Variants in PIWIL2 observed in about 807,000 individuals in gnomAD.
The protein encoded by PIWIL2 is piwi-like protein 2.
A neutral mutation model predicts 116.5 loss-of-function variants in PIWIL2; 81 were observed. That is an observed-to-expected ratio of 0.70 (90% CI 0.58 to 0.84). The LOEUF (loss-of-function observed/expected upper bound fraction) is 0.84, where lower values mean the gene tolerates loss of function less well. Ranked by LOEUF, PIWIL2 falls within the 40% of genes least tolerant of loss-of-function variation. The pLI, the probability that PIWIL2 is intolerant of heterozygous loss-of-function variation, is 0.00. For missense variants in PIWIL2, 1,272 were observed against 1,212.3 expected (o/e 1.05, Z -0.73); for synonymous variants, 489 against 429.5 (o/e 1.14, Z -1.71).
intron 20 of PIWIL2, among the ~76,000 whole-genome samples, chr8:22,324,272 A>C (rs1290948026): frequency 2.6e-5 from 4 of 152,252 alleles, no homozygotes; most frequent in Non-Finnish European, 5.9e-5. Flanking sequence ...AAAAAAAAGG[A>C]ATATTGGATT....
chr8:22,319,731 A>T (rs9792182), intron 20 of PIWIL2, among the ~76,000 whole-genome samples: 46,270 of 152,058 alleles, frequency 0.3, 8,879 homozygotes, highest in East Asian at 0.63. Flanking sequence ...TCCTCCTTGC[A>T]TGCTGGCTGG....
chr8:22,301,848 A>G (rs376428532), intron 10 of PIWIL2, among the ~76,000 whole-genome samples: 2 of 152,284 alleles, frequency 1.3e-5, no homozygotes, highest in African/African-American at 4.8e-5. Context: ...TAAGTATCAT[A>G]GCACTGTTTC....
At chr8:22,299,042 A>G (rs1830981126) in intron 10 of PIWIL2, among the ~76,000 whole-genome samples, 1 of 152,128 alleles carries the variant, frequency 6.6e-6, no homozygotes. Context: ...TGACAGAGTA[A>G]TCCATCTTTT....
chr8:22,306,335 CAT>C (rs1348223244), intron 13 of PIWIL2, among the ~76,000 whole-genome samples: 1 of 152,202 alleles, frequency 6.6e-6, no homozygotes, highest in Non-Finnish European at 1.5e-5. Flanking sequence ...GTAAACTGGT[CAT>C]ATGACCATGG....
intron 13 of PIWIL2, among the ~76,000 whole-genome samples, chr8:22,307,477 T>A (rs897123329): frequency 0.033 from 1,257 of 38,578 alleles, 52 homozygotes; most frequent in African/African-American, 0.058. Flanking sequence ...TTATTCATTT[T>A]TTTTTTTTTT....
At chr8:22,296,968 C>T (rs1830921893) in intron 10 of PIWIL2, among the ~76,000 whole-genome samples, 1 of 151,962 alleles carries the variant, frequency 6.6e-6, no homozygotes, top group Non-Finnish European at 1.5e-5. Flanking sequence ...GAAATATTTT[C>T]TGGCTTACAT....
chr8:22,323,340 G>T (rs937361368), intron 20 of PIWIL2, among the ~76,000 whole-genome samples: 1 of 151,842 alleles, frequency 6.6e-6, no homozygotes, highest in East Asian at 1.9e-4. Context: ...TAGAGACGGG[G>T]TATCACCATG....
intron 20 of PIWIL2, 132 bp downstream of exon 20, chr8:22,318,407 T>C (rs1034435690): frequency 1.8e-6 from 1 of 566,196 alleles, no homozygotes; most frequent in Non-Finnish European, 3.2e-6. Flanking sequence ...AACCTCTGCC[T>C]CCTGGGTTCA....
chr8:22,353,976 A>T (rs1485672580), intron 21 of PIWIL2, among the ~76,000 whole-genome samples: 1 of 151,984 alleles, frequency 6.6e-6, no homozygotes, highest in African/African-American at 2.4e-5. Flanking sequence ...GGGTCTTGCC[A>T]TGTTGCCCAG....
At chr8:22,293,721 C>CT (rs1051121220) in intron 10 of PIWIL2, among the ~76,000 whole-genome samples, 1 of 152,178 alleles carries the variant, frequency 6.6e-6, no homozygotes, top group Non-Finnish European at 1.5e-5. Flanking sequence ...GAAAAACATT[C>CT]TTTTTTTCCA....
At chr8:22,299,034 A>G (rs1197582792) in intron 10 of PIWIL2, among the ~76,000 whole-genome samples, 1 of 152,192 alleles carries the variant, frequency 6.6e-6, no homozygotes, top group Non-Finnish European at 1.5e-5. Context: ...TACTATGGTG[A>G]CAGAGTAATC....
rs192105466 is a variant in PIWIL2 at position 22,304,168 on chromosome 8, G to A, written c.1329G>A (p.Thr443=). The A allele has an allele frequency of 3.7e-6, 6 of 1,613,614 alleles. No individual in the cohort carries two copies. In the African/African-American group the frequency reaches 4.0e-5, roughly 11 times the overall value. Residue 443 remains threonine, a synonymous_variant, in exon 11 of 23, where the codon ACG becomes ACA. Coordinates refer to ENST00000356766, the MANE Select transcript of PIWIL2 (RefSeq NM_018068.5). ...ATAAGACTCCAAAGGATAGCTTCAC[G>A]ATGTCTGATGGGAAAGAGATCACAT... The part of the protein sequence containing the change: ...DWNKTPKDSF[T]MSDGKEITFL...
At chr8:22,289,769 G>A (rs544163520) in intron 8 of PIWIL2, 78 bp from the exon 9 acceptor site, 1 of 861,888 alleles carries the variant, frequency 1.2e-6, no homozygotes, top group African/African-American at 1.7e-5. Context: ...GACTTCCAAA[G>A]GCAAATGTAG....
intron 20 of PIWIL2, among the ~76,000 whole-genome samples, chr8:22,323,529 C>G (rs1831657041): frequency 6.6e-6 from 1 of 152,092 alleles, no homozygotes; most frequent in Admixed American, 6.6e-5. Context: ...AGTGCCCAGC[C>G]CAGTCATTTT....
Position 22,279,371 on chromosome 8 carries a change from T to A in PIWIL2, c.-16T>A. On this transcript the variant is annotated 5_prime_UTR_variant, in exon 2 of 23. Transcript: ENST00000356766. Reference sequence around the variant, plus strand: ...TAACCAGAACAGGATCGACACGTGTTCTCTACAGCCCGTCCATGGATCCTT... The same window carrying A: ...TAACCAGAACAGGATCGACACGTGTACTCTACAGCCCGTCCATGGATCCTT... 1 of 1,608,996 alleles carries A rather than the reference T, an allele frequency of 6.2e-7. No homozygotes were observed. Among genetic ancestry groups the A allele is most frequent in the South Asian group, 1.1e-5 (1 of 90,978 alleles).
intron 15 of PIWIL2, 30 bp from the exon 16 acceptor site, chr8:22,311,082 G>A (rs1831317737): frequency 6.4e-7 from 1 of 1,550,746 alleles, no homozygotes; most frequent in African/African-American, 1.4e-5. Context: ...TAAATTGTGA[G>A]AAATACTAAA....
chr8:22,354,443 G>A lies in PIWIL2; in HGVS notation c.2765+65G>A, dbSNP rs994447087. The A allele has an allele frequency of 5.3e-5, 52 of 985,624 alleles. No homozygotes were observed. In the African/African-American group the frequency reaches 8.1e-4, roughly 15 times the overall value. 61.1% of individuals were successfully genotyped at this position (985,624 alleles called of 1,614,324 possible). A position where few individuals can be genotyped will look rare whatever the true frequency, so the allele number is the denominator to read the frequency against. ...AATTCTGGCCTGCTAGCTAAGATGG[G>A]CTCACTGTTCACCCCAAAATATATT... On this transcript the variant is annotated intron_variant, in intron 22 of 22. Transcript: ENST00000356766.
Position 22,283,127 on chromosome 8 carries a change from C to T in PIWIL2, c.519C>T (p.Thr173=). 1.9e-6 allele frequency: 3 copies of T among 1,614,112 alleles called. No individual in the cohort carries two copies. Among genetic ancestry groups the T allele is most frequent in the Non-Finnish European group, 2.5e-6 (3 of 1,179,994 alleles). The change falls in exon 5 of 23, where the codon ACC becomes ACT. Residue 173 remains threonine, a synonymous_variant. Transcript: ENST00000356766. ...ISREVDKPPC[T]FSTPSRGPPQ... ...GAGAAGTGGACAAGCCTCCCTGTAC[C>T]TTCAGCACACCGTCCCGGGGTCCCC...
At position 22,316,409 on chromosome 8, in the gene PIWIL2, C is replaced by T. The variant is rs895701584; in HGVS notation, c.2297+76C>T. 14 of 876,788 alleles carry T rather than the reference C, an allele frequency of 1.6e-5. No individual in the cohort carries two copies. In the African/African-American group the frequency reaches 2.0e-4, roughly 12 times the overall value. 54.3% of individuals were successfully genotyped at this position (876,788 alleles called of 1,614,324 possible). ...TAATCTTATTATAAATCCAGCAAAT[C>T]TTTTTAGCATTATGTATTACAATAT... On this transcript the variant is annotated intron_variant, in intron 19 of 22. Coordinates refer to ENST00000356766, the MANE Select transcript of PIWIL2 (RefSeq NM_018068.5).
Sources: allele counts gnomAD v4.1 joint callset (sites outside exome capture counted in the v4.1 genomes callset), GRCh38; gene constraint gnomAD v4.1.1; transcripts MANE v1.5; gene names NCBI Gene and HGNC (gene_info 2026-07-23, HGNC 2026-07-21).